The following POLR3G variants were observed in gnomAD, a reference collection of about 807,000 sequenced individuals.
The protein encoded by POLR3G is DNA-directed RNA polymerase III subunit RPC7.
POLR3G carries 28 observed loss-of-function variants against 30.1 expected under a neutral mutation model. That is an observed-to-expected ratio of 0.93 (90% CI 0.69 to 1.27). The LOEUF (loss-of-function observed/expected upper bound fraction) is 1.27, where lower values mean the gene tolerates loss of function less well. Ranked by LOEUF, POLR3G falls within the 50% of genes most tolerant of loss-of-function variation. POLR3G has a pLI of 0.00. For synonymous variants in POLR3G, 79 were observed against 82.5 expected (o/e 0.96, Z 0.23); for missense variants, 254 against 264.6 (o/e 0.96, Z 0.28).
intron 7 of POLR3G, among the ~76,000 whole-genome samples, chr5:90,508,438 A>G (rs1752591700): frequency 6.6e-6 from 1 of 151,272 alleles, no homozygotes; most frequent in Non-Finnish European, 1.5e-5. Flanking sequence ...CCATATTTTT[A>G]ACCTCTTTTT....
intron 2 of POLR3G, among the ~76,000 whole-genome samples, chr5:90,486,102 CT>C (rs895647413): frequency 2.6e-5 from 4 of 152,130 alleles, no homozygotes; most frequent in South Asian, 2.1e-4. Flanking sequence ...TACCACTTGA[CT>C]TTTTCCCCCA....
chr5:90,501,178 C>T (rs929317891), intron 5 of POLR3G, among the ~76,000 whole-genome samples: 1 of 152,056 alleles, frequency 6.6e-6, no homozygotes, highest in African/African-American at 2.4e-5. Context: ...TCTCTTTCAC[C>T]ATTGGTAAAT....
At position 90,512,106 on chromosome 5, in the gene POLR3G, CAG is replaced by C. The variant is rs1752768085; in HGVS notation, c.640_641del (p.Ser214Ter). ...FEDGDDFGAD[S>X]DDNMDEATY ...AAGATGGAGATGATTTTGGCGCAGA[CAG>C]TGATGACAACATGGATGAGGCAACC... On this transcript the variant is annotated frameshift_variant, in exon 8 of 8. Coordinates refer to ENST00000651687, the MANE Select transcript of POLR3G (RefSeq NM_006467.3). LOFTEE classifies it high-confidence loss of function. The C allele has an allele frequency of 1.2e-6, 2 of 1,609,170 alleles. No individual in the cohort carries two copies. The highest frequency in any genetic ancestry group is 1.7e-6 in the Non-Finnish European group (2 of 1,176,024).
intron 5 of POLR3G, among the ~76,000 whole-genome samples, chr5:90,501,515 G>A (rs1752244821): frequency 1.3e-5 from 2 of 152,156 alleles, no homozygotes; most frequent in Non-Finnish European, 2.9e-5. Context: ...TTAAAATGAA[G>A]TACACTTACC....
rs1270989111 is a variant in POLR3G at position 90,512,219 on chromosome 5, T to C, written c.*80T>C. The C allele has an allele frequency of 9.9e-6, 9 of 904,550 alleles. No homozygotes were observed. Among genetic ancestry groups the C allele is most frequent in the African/African-American group, 1.7e-5 (1 of 60,040 alleles). 56.0% of individuals were successfully genotyped at this position (904,550 alleles called of 1,614,324 possible). A position where few individuals can be genotyped will look rare whatever the true frequency, so the allele number is the denominator to read the frequency against. On this transcript the variant is annotated 3_prime_UTR_variant, in exon 8 of 8. Coordinates refer to ENST00000651687, the MANE Select transcript of POLR3G (RefSeq NM_006467.3). ...GACTTGATTTGTATTTTATTTCTGA[T>C]AAGGAATAAGTACTTGTTTCTGTTG...
chr5:90,476,884 A>T (rs988070633), intron 1 of POLR3G, among the ~76,000 whole-genome samples: 5 of 151,884 alleles, frequency 3.3e-5, no homozygotes, highest in African/African-American at 1.2e-4. Flanking sequence ...TCCTGTCTTT[A>T]TTTTTCTTAT....
chr5:90,488,196 A>G, intron 3 of POLR3G, 67 bp downstream of exon 3: 1 of 1,253,780 alleles, frequency 8.0e-7, no homozygotes, highest in Non-Finnish European at 1.0e-6. Flanking sequence ...TAAGCACAAG[A>G]TATATAATCA....
intron 1 of POLR3G, among the ~76,000 whole-genome samples, chr5:90,484,397 C>CTG (rs3842598): frequency 0.72 from 108,874 of 151,880 alleles, 39,379 homozygotes; most frequent in Admixed American, 0.78. Flanking sequence ...AGTGTTGGCC[C>CTG]TGTGATAAAG....
At chr5:90,496,004 C>T (rs1372443291) in intron 4 of POLR3G, among the ~76,000 whole-genome samples, 3 of 151,898 alleles carry the variant, frequency 2.0e-5, no homozygotes, top group Non-Finnish European at 4.4e-5. Context: ...TGGAGTCTTG[C>T]TCTGTCGCCC....
At chr5:90,480,809 A>C (rs923180940) in intron 1 of POLR3G, among the ~76,000 whole-genome samples, 5 of 152,198 alleles carry the variant, frequency 3.3e-5, no homozygotes, top group African/African-American at 1.2e-4. Context: ...GAGTAGGCCT[A>C]GTGGGCTCTT....
At chr5:90,474,737 C>G (rs930079110), upstream of POLR3G, 1 of 193,116 alleles carries the variant, frequency 5.2e-6, no homozygotes, top group South Asian at 8.6e-5. Context: ...GCACTCCCAG[C>G]TGGCGCAGAA....
chr5:90,511,975 A>G, intron 7 of POLR3G, 78 bp from the exon 8 acceptor site: 6 of 966,496 alleles, frequency 6.2e-6, no homozygotes, highest in Non-Finnish European at 9.7e-6. Flanking sequence ...GATAAAAAGC[A>G]GAGACTTTTA....
chr5:90,498,872 T>C (rs1752115375), intron 5 of POLR3G, among the ~76,000 whole-genome samples: 1 of 152,190 alleles, frequency 6.6e-6, no homozygotes, highest in South Asian at 2.1e-4. Flanking sequence ...ATGGAGCTTG[T>C]AGTCAAATGG....
chr5:90,511,930 T>TAAAC (rs1752757294), intron 7 of POLR3G, 123 bp from the exon 8 acceptor site: 1 of 666,072 alleles, frequency 1.5e-6, no homozygotes, highest in East Asian at 2.8e-5. Flanking sequence ...GCGGCACAGG[T>TAAAC]AAACACAAGT....
At chr5:90,490,960 C>T (rs1002878155) in intron 3 of POLR3G, 17 of 154,526 alleles carry the variant, frequency 1.1e-4, no homozygotes, top group Non-Finnish European at 1.4e-5. Flanking sequence ...TCGCCAGGTG[C>T]ATCACTTACC....
rs540292679 is a variant in POLR3G at position 90,482,761 on chromosome 5, C to G, written c.-43-2764C>G. ...GAACTGACTCAGCAGAAGAGAACAG[C>G]TTTGACTTCCTATGATTTCATCCCC... On this transcript the variant is annotated intron_variant, in intron 1 of 7. Transcript: ENST00000651687. Among the ~76,000 whole-genome samples, 19 of 152,290 alleles carry G rather than the reference C, an allele frequency of 1.2e-4. 1 individual carries two copies. Among genetic ancestry groups the G allele is most frequent in the Middle Eastern group, 6.8e-3 (2 of 294 alleles).
At chr5:90,512,023 G>A (rs766703704) in intron 7 of POLR3G, 30 bp from the exon 8 acceptor site, 54 of 1,419,724 alleles carry the variant, frequency 3.8e-5, no homozygotes, top group East Asian at 9.1e-5. Flanking sequence ...TCATTTTAAC[G>A]TTTACAAAGG....
intron 3 of POLR3G, among the ~76,000 whole-genome samples, chr5:90,491,154 G>A (rs534387044): frequency 3.9e-5 from 6 of 152,280 alleles, no homozygotes; most frequent in African/African-American, 9.6e-5. Flanking sequence ...TTCATGTTGC[G>A]ATGTCTTCAA....
chr5:90,482,258 G>T (rs1751159446), intron 1 of POLR3G, among the ~76,000 whole-genome samples: 2 of 152,296 alleles, frequency 1.3e-5, no homozygotes, highest in Admixed American at 1.3e-4. Context: ...GACAGTGAAA[G>T]ATATCAGACC....
Sources: gnomAD v4.1 joint callset for allele counts (sites outside exome capture counted in the v4.1 genomes callset) on GRCh38, gnomAD v4.1.1 for gene constraint, MANE v1.5 for transcripts, NCBI Gene and HGNC (gene_info 2026-07-23, HGNC 2026-07-21) for gene names.